The following MLLT10 variants were observed in gnomAD, a reference collection of about 807,000 sequenced individuals.
MLLT10 encodes protein AF-10.
In MLLT10, 30 loss-of-function variants were observed where a neutral mutation model predicts 129.1. The ratio of observed to expected loss-of-function variants is 0.23; its 90% confidence interval spans 0.17 to 0.32. The LOEUF is 0.32. Ranked by LOEUF, MLLT10 falls within the 10% of genes least tolerant of loss-of-function variation. The pLI, the probability that MLLT10 is intolerant of heterozygous loss-of-function variation, is 1.00. For synonymous variants in MLLT10, 490 were observed against 446.4 expected (o/e 1.10, Z -1.23); for missense variants, 1,119 against 1,268.3 (o/e 0.88, Z 1.79).
intron 13 of MLLT10, among the ~76,000 whole-genome samples, chr10:21,689,565 GTATATA>G (rs71393919): frequency 0.23 from 25,862 of 113,328 alleles, 3,193 homozygotes; most frequent in Middle Eastern, 0.41. Flanking sequence ...ATATATATAT[GTATATA>G]TATATATATA....
At chr10:21,647,784 G>T (rs1003087279) in intron 8 of MLLT10, among the ~76,000 whole-genome samples, 1 of 151,782 alleles carries the variant, frequency 6.6e-6, no homozygotes, top group African/African-American at 2.4e-5. Flanking sequence ...TTAAAATACA[G>T]AATTTTTAAT....
intron 3 of MLLT10, among the ~76,000 whole-genome samples, chr10:21,549,885 C>A (rs903211589): frequency 2.0e-5 from 3 of 151,992 alleles, no homozygotes; most frequent in African/African-American, 7.2e-5. Context: ...GTGATCTGCC[C>A]GCCTTGGCCT....
At chr10:21,696,354 T>G (rs530320840) in intron 13 of MLLT10, among the ~76,000 whole-genome samples, 1 of 152,226 alleles carries the variant, frequency 6.6e-6, no homozygotes, top group African/African-American at 2.4e-5. Flanking sequence ...CCTGAGAACA[T>G]GTGCCCTCAT....
Position 21,549,538 on chromosome 10 carries a change from G to T in MLLT10, c.240+10626G>T, listed in dbSNP as rs139756173. 3.1e-3 allele frequency among the ~76,000 whole-genome samples: 465 copies of T among 152,186 alleles called. 2 individuals are homozygous for T. The highest frequency in any genetic ancestry group is 0.011 in the African/African-American group (447 of 41,542). ...TTAGCACATAGTTTTCATGTTCAGG[G>T]TTATCCCATAGTCAAAGCATGGCAG... On this transcript the variant is annotated intron_variant, in intron 3 of 22. Transcript: ENST00000307729.
intron 8 of MLLT10, among the ~76,000 whole-genome samples, chr10:21,647,008 A>G (rs1193535221): frequency 6.6e-6 from 1 of 152,100 alleles, no homozygotes; most frequent in Non-Finnish European, 1.5e-5. Context: ...GGCGCCCGCC[A>G]CCACGCCCGA....
intron 3 of MLLT10, among the ~76,000 whole-genome samples, chr10:21,560,050 C>T (rs575025466): frequency 1.2e-4 from 18 of 151,992 alleles, no homozygotes; most frequent in African/African-American, 4.1e-4. Flanking sequence ...TTGTTGCCCA[C>T]GCTGGAGTGC....
intron 5 of MLLT10, among the ~76,000 whole-genome samples, chr10:21,604,220 T>G (rs529366927): frequency 6.6e-6 from 1 of 152,328 alleles, no homozygotes; most frequent in East Asian, 1.9e-4. Flanking sequence ...CTGAATATAA[T>G]AAACTCAGAA....
chr10:21,573,714 G>A (rs1455311153), intron 3 of MLLT10, among the ~76,000 whole-genome samples: 1 of 151,506 alleles, frequency 6.6e-6, no homozygotes, highest in Non-Finnish European at 1.5e-5. Context: ...TTACAGGCAC[G>A]TGCCACCATG....
intron 5 of MLLT10, among the ~76,000 whole-genome samples, chr10:21,604,861 CA>C (rs1714711315): frequency 6.6e-6 from 1 of 150,918 alleles, no homozygotes; most frequent in Non-Finnish European, 1.5e-5. Context: ...GCAGCCTGCC[CA>C]TTTTTTTTTT....
intron 4 of MLLT10, among the ~76,000 whole-genome samples, chr10:21,588,388 G>A (rs1281262832): frequency 6.6e-6 from 1 of 152,056 alleles, no homozygotes; most frequent in African/African-American, 2.4e-5. Context: ...TCTTGTTTCA[G>A]TATAGAGCTT....
chr10:21,728,866 ATTT>A (rs201564671), intron 16 of MLLT10, among the ~76,000 whole-genome samples: 1 of 139,174 alleles, frequency 7.2e-6, no homozygotes, highest in African/African-American at 2.6e-5. Context: ...CATGTCTACA[ATTT>A]TTTTTTTTTT....
intron 4 of MLLT10, among the ~76,000 whole-genome samples, chr10:21,591,629 A>G (rs2042513411): frequency 6.6e-6 from 1 of 151,980 alleles, no homozygotes; most frequent in South Asian, 2.1e-4. Flanking sequence ...CTTCCTATAT[A>G]TATATACACA....
At chr10:21,562,818 G>GTTTT (rs1163404490) in intron 3 of MLLT10, among the ~76,000 whole-genome samples, 43 of 82,568 alleles carry the variant, frequency 5.2e-4, no homozygotes, top group South Asian at 1.2e-3. Flanking sequence ...TGTTTTTTTT[G>GTTTT]TTTTTTTTTT....
intron 13 of MLLT10, among the ~76,000 whole-genome samples, chr10:21,696,610 T>A (rs1188505688): frequency 6.6e-6 from 1 of 152,212 alleles, no homozygotes. Flanking sequence ...TCTATTTTAA[T>A]GTTATTTTAA....
Position 21,661,980 on chromosome 10 carries a change from T to C in MLLT10, c.796-8469T>C, listed in dbSNP as rs567463536. On this transcript the variant is annotated intron_variant, in intron 9 of 22. Transcript: ENST00000307729. ...CATTCACAGCTTTTGTGGTTTTTAT[T>C]GAGTATTTTATATGATTGCATTTTC... is the stretch of plus-strand genomic sequence containing the variant. Among the ~76,000 whole-genome samples the C allele has an allele frequency of 8.5e-5, 13 of 152,274 alleles. No homozygotes were observed. In the East Asian group the frequency reaches 1.2e-3, roughly 14 times the overall value.
chr10:21,550,441 A>G (rs758634281), intron 3 of MLLT10, among the ~76,000 whole-genome samples: 3 of 152,130 alleles, frequency 2.0e-5, no homozygotes, highest in Non-Finnish European at 4.4e-5. Flanking sequence ...TCTTTAGTCT[A>G]TGTTGCTGTC....
At chr10:21,696,376 T>A (rs1301971077) in intron 13 of MLLT10, among the ~76,000 whole-genome samples, 5 of 152,048 alleles carry the variant, frequency 3.3e-5, no homozygotes, top group Non-Finnish European at 7.4e-5. Context: ...TTTAGGTAAT[T>A]TTAATTAGGA....
chr10:21,562,689 C>G (rs1248400732), intron 3 of MLLT10, among the ~76,000 whole-genome samples: 22 of 151,836 alleles, frequency 1.4e-4, no homozygotes, highest in African/African-American at 4.6e-4. Flanking sequence ...GTATTACAAT[C>G]CAAGAACGTG....
rs529507182 is a variant in MLLT10 at position 21,663,398 on chromosome 10, C to T, written c.796-7051C>T. ...CTTTCCTTTTTTTTTTTTTTTGAGA[C>T]GGAGTTTCACTCCTGTTGCCCAGGC... On this transcript the variant is annotated intron_variant, in intron 9 of 22. Coordinates refer to ENST00000307729, the MANE Select transcript of MLLT10 (RefSeq NM_001195626.3). Among the ~76,000 whole-genome samples, 850 of 148,258 alleles carry T rather than the reference C, an allele frequency of 5.7e-3. 6 individuals carry two copies. The highest frequency in any genetic ancestry group is 0.02 in the African/African-American group (789 of 40,278).
Sources: allele counts gnomAD v4.1 joint callset (sites outside exome capture counted in the v4.1 genomes callset), GRCh38; gene constraint gnomAD v4.1.1; transcripts MANE v1.5; gene names NCBI Gene and HGNC (gene_info 2026-07-23, HGNC 2026-07-21).